KDM4A: variants seen among roughly 807,000 people sequenced by gnomAD.
The protein encoded by KDM4A is lysine-specific demethylase 4A.
A neutral mutation model predicts 127.1 loss-of-function variants in KDM4A; 23 were observed. That is an observed-to-expected ratio of 0.18 (90% CI 0.13 to 0.26). The LOEUF is 0.26. Among genes scored for constraint, KDM4A ranks in the 10% least tolerant of loss-of-function variants. The pLI, the probability that KDM4A is intolerant of heterozygous loss-of-function variation, is 1.00. For missense variants in KDM4A, 890 were observed against 1,329.1 expected, an observed-to-expected ratio of 0.67 and a Z score of 5.14; for synonymous variants, 443 against 466.5, an observed-to-expected ratio of 0.95 and a Z score of 0.65.
At chr1:43,667,172 G>A (rs1177548305) in intron 8 of KDM4A, 81 bp downstream of exon 8, 3 of 1,484,604 alleles carry the variant, frequency 2.0e-6, no homozygotes, top group Admixed American at 3.5e-5. Flanking sequence ...GGTGATTAGA[G>A]TATTTCTTTG....
At chr1:43,696,978 C>A (rs1270926402) in intron 18 of KDM4A, among the ~76,000 whole-genome samples, 1 of 152,144 alleles carries the variant, frequency 6.6e-6, no homozygotes, top group Non-Finnish European at 1.5e-5. Context: ...CAAGTAAATA[C>A]ACAGTATAGC....
rs539292529 is a variant in KDM4A at position 43,697,135 on chromosome 1, C to A, written c.2671-708C>A. On this transcript the variant is annotated intron_variant, in intron 18 of 21. Coordinates refer to ENST00000372396, the MANE Select transcript of KDM4A (RefSeq NM_014663.3). ...ATGGCATCTCAGGTAGAAGAACCAG[C>A]AGTGTCGAAGCCCTGGGTGGCAGCA... Among the ~76,000 whole-genome samples, 3 of 152,300 alleles carry A rather than the reference C, an allele frequency of 2.0e-5. No individual in the cohort carries two copies. The East Asian group carries it at 5.8e-4, about 29-fold the overall frequency.
At position 43,688,287 on chromosome 1, in the gene KDM4A, C is replaced by T. The variant is rs188388137; in HGVS notation, c.1856-627C>T. Reference sequence around the variant, plus strand: ...CAGCCTGCAGGATATTGTTTGCCAGCGTCAGGCATCACATCTTGTGGCTGG... The same window carrying T: ...CAGCCTGCAGGATATTGTTTGCCAGTGTCAGGCATCACATCTTGTGGCTGG... On this transcript the variant is annotated intron_variant, in intron 12 of 21. Coordinates refer to ENST00000372396, the MANE Select transcript of KDM4A (RefSeq NM_014663.3). This position sits in a 1 kb window ranked among gnomAD's most constrained non-coding sequence, Gnocchi z 4.4. 4.6e-5 allele frequency among the ~76,000 whole-genome samples: 7 copies of T among 152,288 alleles called. No individual in the cohort carries two copies. The highest frequency in any genetic ancestry group is 1.4e-4 in the African/African-American group (6 of 41,550).
chr1:43,662,774 A>T, intron 4 of KDM4A, 120 bp from the exon 5 acceptor site: 1 of 821,382 alleles, frequency 1.2e-6, no homozygotes. Context: ...TAGTGTTTTG[A>T]CATTATTCCC....
intron 4 of KDM4A, among the ~76,000 whole-genome samples, chr1:43,662,548 A>T (rs976988942): frequency 1.3e-5 from 2 of 152,216 alleles, no homozygotes; most frequent in African/African-American, 4.8e-5. Context: ...CGGAGGTTGC[A>T]GTGAGCCAAG....
In KDM4A at chr1:43,698,100, T is replaced by C. The variant is rs917719579; in HGVS notation, c.2841+87T>C. On this transcript the variant is annotated intron_variant, in intron 19 of 21. Transcript: ENST00000372396. ...TGGCAGACTGTGTGTGTATGCCTGCTTCTTCTAGCCAGGTCCCTGGTCCCA... is the reference window on the plus strand; with the variant it reads ...TGGCAGACTGTGTGTGTATGCCTGCCTCTTCTAGCCAGGTCCCTGGTCCCA... The C allele has an allele frequency of 3.1e-6, 4 of 1,304,480 alleles. No individual in the cohort carries two copies. In the African/African-American group the frequency reaches 5.9e-5, roughly 19 times the overall value. 80.8% of individuals were successfully genotyped at this position (1,304,480 alleles called of 1,614,324 possible). A position where few individuals can be genotyped will look rare whatever the true frequency, so the allele number is the denominator to read the frequency against.
intron 4 of KDM4A, 136 bp from the exon 5 acceptor site, chr1:43,662,758 C>G (rs1346336628): frequency 2.9e-6 from 2 of 697,928 alleles, no homozygotes; most frequent in East Asian, 5.5e-5. Context: ...ATGGTCTTCA[C>G]GTCCATAGTG....
At chr1:43,664,518 T>G (rs1348185388) in intron 5 of KDM4A, among the ~76,000 whole-genome samples, 1 of 152,116 alleles carries the variant, frequency 6.6e-6, no homozygotes, top group Non-Finnish European at 1.5e-5. Flanking sequence ...GGGGACATCA[T>G]GGGGCACATT....
intron 13 of KDM4A, among the ~76,000 whole-genome samples, chr1:43,689,859 AAC>A (rs1403221753): frequency 1.3e-5 from 2 of 152,232 alleles, no homozygotes; most frequent in African/African-American, 4.8e-5. Flanking sequence ...ACCTCAGACC[AAC>A]ACACTTTGGA....
intron 13 of KDM4A, chr1:43,690,570 CT>C: frequency 2.0e-6 from 1 of 497,826 alleles, no homozygotes; most frequent in South Asian, 2.2e-5. Flanking sequence ...TTATTAACCA[CT>C]TTCTTTGGGA....
Position 43,671,883 on chromosome 1 carries a change from C to T in KDM4A, c.1734+8C>T. ...GAGCGGGAGCTGGCAGAGGTATGGG[C>T]TCCAGGCAGTGGTGTGGGGTGGGGA... is the stretch of plus-strand genomic sequence containing the variant. On this transcript the variant is annotated splice_region_variant and intron_variant, in intron 11 of 21. Coordinates refer to ENST00000372396, the MANE Select transcript of KDM4A (RefSeq NM_014663.3). 1 of 1,547,064 alleles carries T rather than the reference C, an allele frequency of 6.5e-7. No individual in the cohort carries two copies. Among genetic ancestry groups the T allele is most frequent in the Non-Finnish European group, 8.7e-7 (1 of 1,145,634 alleles).
At chr1:43,657,071 C>G (rs1456750853) in intron 3 of KDM4A, among the ~76,000 whole-genome samples, 1 of 151,928 alleles carries the variant, frequency 6.6e-6, no homozygotes, top group Non-Finnish European at 1.5e-5. Flanking sequence ...CCGCGCTCAG[C>G]TAATATTTTT....
At chr1:43,703,910 T>C in intron 20 of KDM4A, 110 bp from the exon 21 acceptor site, 2 of 1,298,690 alleles carry the variant, frequency 1.5e-6, no homozygotes, top group South Asian at 1.3e-5. Flanking sequence ...GTAGTTGTTA[T>C]TTTAGTGTTC....
chr1:43,687,744 T>C (rs953970681), intron 12 of KDM4A, among the ~76,000 whole-genome samples: 10 of 152,228 alleles, frequency 6.6e-5, no homozygotes, highest in Non-Finnish European at 1.3e-4. Flanking sequence ...TTCACTGATT[T>C]AGGAAGAACT....
intron 7 of KDM4A, 149 bp from the exon 8 acceptor site, chr1:43,666,804 TG>T: frequency 1.3e-6 from 1 of 752,190 alleles, no homozygotes; most frequent in Non-Finnish European, 2.2e-6. Flanking sequence ...CTGATATGTC[TG>T]GGCTTTGCAT....
At chr1:43,652,049 A>C (rs1660125291) in intron 1 of KDM4A, among the ~76,000 whole-genome samples, 1 of 152,226 alleles carries the variant, frequency 6.6e-6, no homozygotes, top group African/African-American at 2.4e-5. Context: ...CTAATATCAA[A>C]GTACTTTTGA....
chr1:43,692,116 G>A, intron 15 of KDM4A, 140 bp from the exon 16 acceptor site: 3 of 785,842 alleles, frequency 3.8e-6, no homozygotes, highest in Non-Finnish European at 6.7e-6. Flanking sequence ...CTGGTGCAGG[G>A]GCTGCCTGGG....
At chr1:43,692,188 G>A in intron 15 of KDM4A, 68 bp from the exon 16 acceptor site, 2 of 1,406,182 alleles carry the variant, frequency 1.4e-6, no homozygotes, top group Non-Finnish European at 2.0e-6. Context: ...AGCAGGTCCA[G>A]GGGAGAGCAG....
At chr1:43,680,560 T>G (rs1660834614) in intron 11 of KDM4A, among the ~76,000 whole-genome samples, 1 of 152,228 alleles carries the variant, frequency 6.6e-6, no homozygotes, top group African/African-American at 2.4e-5. Flanking sequence ...TGAAATGGGT[T>G]TCACTGAGCT....
Sources: allele counts gnomAD v4.1 joint callset (sites outside exome capture counted in the v4.1 genomes callset), GRCh38; gene constraint gnomAD v4.1.1; non-coding constraint Gnocchi (gnomAD v3.1); transcripts MANE v1.5; gene names NCBI Gene and HGNC (gene_info 2026-07-23, HGNC 2026-07-21).